TRPM3: variants seen among roughly 807,000 people sequenced by gnomAD.
TRPM3 encodes the protein long transient receptor potential channel 3.
Under a neutral mutation model 181.2 loss-of-function variants are expected in TRPM3, and 77 were observed. The observed-to-expected ratio is 0.42, with a 90% CI of 0.35 to 0.51. TRPM3 has a LOEUF of 0.51. Among genes scored for constraint, TRPM3 ranks in the 20% least tolerant of loss-of-function variants. The pLI is 0.01. For synonymous variants in TRPM3, 745 were observed against 796.4 expected, an observed-to-expected ratio of 0.94 and a Z score of 1.09; for missense variants, 1,759 against 2,196.7, an observed-to-expected ratio of 0.80 and a Z score of 3.98.
intron 1 of TRPM3, among the ~76,000 whole-genome samples, chr9:70,919,035 T>C (rs1045679824): frequency 2.0e-5 from 3 of 152,144 alleles, no homozygotes; most frequent in African/African-American, 4.8e-5. Flanking sequence ...TCATTACCCA[T>C]TACTCATTAC....
rs200447222 is a variant in TRPM3, at chr9:70,863,067, G to A, written c.303C>T (p.Pro101=). 1.2e-6 allele frequency: 2 copies of A among 1,613,606 alleles called. No homozygotes were observed. Among genetic ancestry groups the A allele is most frequent in the Non-Finnish European group, 1.7e-6 (2 of 1,179,668 alleles). Residue 101 remains proline (P), a synonymous_variant, in exon 3 of 26, where the codon CCC becomes CCT. Transcript: ENST00000677713. ...TCTCATTCTGAAGCACGGAGATACT[G>A]GGGGTGAGGCCAACATGCTGGCCTA... ...RLIGQHVGLT[P]SISVLQNEKN...
intron 1 of TRPM3, among the ~76,000 whole-genome samples, chr9:70,870,246 C>A (rs916749167): frequency 6.6e-6 from 1 of 151,964 alleles, no homozygotes; most frequent in African/African-American, 2.4e-5. Flanking sequence ...TCTTTTTAGC[C>A]CTCTGCTCTT....
intron 1 of TRPM3, among the ~76,000 whole-genome samples, chr9:71,426,986 G>A (rs1484690717): frequency 2.0e-5 from 3 of 152,146 alleles, no homozygotes; most frequent in Admixed American, 2.0e-4. Flanking sequence ...CATGAAACTA[G>A]ATTTTAGACA....
chr9:70,640,707 G>C, intron 9 of TRPM3, 47 bp from the exon 10 acceptor site: 1 of 1,475,704 alleles, frequency 6.8e-7, no homozygotes, highest in Non-Finnish European at 9.4e-7. Context: ...AGAAAACGAC[G>C]ATCAGTTATT....
At chr9:70,828,468 T>A (rs917357214) in intron 5 of TRPM3, among the ~76,000 whole-genome samples, 2 of 152,168 alleles carry the variant, frequency 1.3e-5, no homozygotes, top group Non-Finnish European at 2.9e-5. Flanking sequence ...AGAAATGTGA[T>A]TCTTTCTGTC....
At chr9:71,154,501 A>G (rs377701397) in intron 1 of TRPM3, among the ~76,000 whole-genome samples, 36 of 152,208 alleles carry the variant, frequency 2.4e-4, no homozygotes, top group African/African-American at 8.2e-4. Context: ...GCAAACTCCA[A>G]CTGGCAGCAG....
chr9:70,742,872 A>T (rs1326277893), intron 8 of TRPM3, among the ~76,000 whole-genome samples: 1 of 152,146 alleles, frequency 6.6e-6, no homozygotes, highest in Non-Finnish European at 1.5e-5. Context: ...ATCAAGTTCC[A>T]TTCCTGGGCT....
At position 70,535,509 on chromosome 9, in the gene TRPM3, A is replaced by C; in HGVS notation, c.*444T>G. The C allele has an allele frequency of 6.5e-7, 1 of 1,550,196 alleles. No homozygotes were observed. ...AAAAGAAAACAGAATGGAAGTTTAGAATATCTCATTGTGTACGCTGGCTAT... is the reference window on the plus strand; with the variant it reads ...AAAAGAAAACAGAATGGAAGTTTAGCATATCTCATTGTGTACGCTGGCTAT... On this transcript the variant is annotated 3_prime_UTR_variant, in exon 26 of 26. Transcript: ENST00000677713.
chr9:70,587,384 A>G (rs1355554567), intron 22 of TRPM3, among the ~76,000 whole-genome samples: 1 of 152,224 alleles, frequency 6.6e-6, no homozygotes, highest in African/African-American at 2.4e-5. Flanking sequence ...TACAGCCAGC[A>G]GCACATGGAT....
At chr9:70,811,544 C>T (rs2092040447) in intron 6 of TRPM3, among the ~76,000 whole-genome samples, 1 of 152,186 alleles carries the variant, frequency 6.6e-6, no homozygotes, top group Admixed American at 6.5e-5. Context: ...GAGTTAATAT[C>T]TGTTAAGTGC....
At chr9:71,031,029 A>T (rs993233468) in intron 1 of TRPM3, among the ~76,000 whole-genome samples, 8 of 152,174 alleles carry the variant, frequency 5.3e-5, no homozygotes, top group African/African-American at 1.2e-4. Context: ...TCTAGATAAT[A>T]TCTTGGGCTG....
chr9:71,249,670 A>G (rs1042600686), intron 1 of TRPM3, among the ~76,000 whole-genome samples: 4 of 152,200 alleles, frequency 2.6e-5, no homozygotes, highest in Non-Finnish European at 5.9e-5. Flanking sequence ...AATACAACTA[A>G]AACAATTAGA....
At chr9:71,178,045 A>G (rs2077204429) in intron 1 of TRPM3, among the ~76,000 whole-genome samples, 1 of 152,006 alleles carries the variant, frequency 6.6e-6, no homozygotes, top group Non-Finnish European at 1.5e-5. Flanking sequence ...CAAGCTTAGT[A>G]GGTTTTAGGA....
intron 1 of TRPM3, among the ~76,000 whole-genome samples, chr9:71,342,722 C>T (rs1472656852): frequency 6.6e-6 from 1 of 152,006 alleles, no homozygotes; most frequent in Non-Finnish European, 1.5e-5. Context: ...ATCTTTACCC[C>T]AATCAGCCAA....
chr9:70,821,682 C>T (rs1488804399), intron 6 of TRPM3, among the ~76,000 whole-genome samples: 1 of 152,190 alleles, frequency 6.6e-6, no homozygotes, highest in East Asian at 1.9e-4. Flanking sequence ...TCAGTCTACT[C>T]TTTTAGATTA....
At chr9:70,583,223 G>A (rs2056354829) in intron 22 of TRPM3, among the ~76,000 whole-genome samples, 1 of 152,154 alleles carries the variant, frequency 6.6e-6, no homozygotes, top group Admixed American at 6.5e-5. Context: ...AAATGTCTTG[G>A]CAGAAGCAGG....
intron 1 of TRPM3, among the ~76,000 whole-genome samples, chr9:71,430,979 CTG>C (rs761334084): frequency 5.3e-5 from 8 of 152,122 alleles, no homozygotes; most frequent in Non-Finnish European, 8.8e-5. Context: ...CCTCTTATGA[CTG>C]AGTACAGTGT....
intron 1 of TRPM3, among the ~76,000 whole-genome samples, chr9:71,079,455 T>C (rs2063916856): frequency 1.3e-5 from 2 of 152,146 alleles, no homozygotes; most frequent in African/African-American, 4.8e-5. Context: ...TCTGGAGGTG[T>C]GTGATCTCAG....
chr9:70,916,173 AT>A (rs898181136), intron 1 of TRPM3, among the ~76,000 whole-genome samples: 5 of 152,180 alleles, frequency 3.3e-5, no homozygotes, highest in African/African-American at 1.2e-4. Flanking sequence ...TGAAGGGGAA[AT>A]AAAGACTTTT....
Sources: gnomAD v4.1 joint callset for allele counts (sites outside exome capture counted in the v4.1 genomes callset) on GRCh38, gnomAD v4.1.1 for gene constraint, MANE v1.5 for transcripts, NCBI Gene and HGNC (gene_info 2026-07-23, HGNC 2026-07-21) for gene names.